Variants in KDM4C observed in about 807,000 individuals in gnomAD.
KDM4C encodes the protein lysine demethylase 4C, also known as lysine-specific demethylase 4C.
KDM4C carries 81 observed loss-of-function variants against 129.3 expected under a neutral mutation model. That is an observed-to-expected ratio of 0.63 (90% CI 0.52 to 0.75). KDM4C has a LOEUF of 0.75. KDM4C is among the 30% of genes least tolerant of loss of function. The pLI is 0.00. For synonymous variants in KDM4C, 573 were observed against 456.1 expected (o/e 1.26, Z -3.26); for missense variants, 1,457 against 1,304.0 (o/e 1.12, Z -1.81).
chr9:6,867,758 T>C (rs889877785), intron 5 of KDM4C, among the ~76,000 whole-genome samples: 1 of 152,202 alleles, frequency 6.6e-6, no homozygotes, highest in African/African-American at 2.4e-5. Context: ...ACCATGAACA[T>C]GTGAACTTGA....
chr9:7,020,355 G>A (rs999439168), intron 15 of KDM4C, among the ~76,000 whole-genome samples: 3 of 152,142 alleles, frequency 2.0e-5, no homozygotes, highest in African/African-American at 7.2e-5. Context: ...TTGAGTCCCT[G>A]CCTTACCCTA....
At position 6,820,880 on chromosome 9, in the gene KDM4C, C is replaced by A. The variant is rs1195153562; in HGVS notation, c.435+6135C>A. 9.6e-5 allele frequency among the ~76,000 whole-genome samples: 14 copies of A among 145,512 alleles called. No homozygotes were observed. The Admixed American group carries it at 9.7e-4, about 10-fold the overall frequency. On this transcript the variant is annotated intron_variant, in intron 4 of 21. Coordinates refer to ENST00000381309, the MANE Select transcript of KDM4C (RefSeq NM_015061.6). ...TGCTATCCCTCCCCCAGCCCCCCAA[C>A]CCCCGACAGGCCCCAGTGTGTGATG...
chr9:6,798,769 G>T (rs1169582333), intron 2 of KDM4C, among the ~76,000 whole-genome samples: 2 of 152,172 alleles, frequency 1.3e-5, no homozygotes, highest in African/African-American at 4.8e-5. Context: ...CCTCCCAGAC[G>T]GGGTGGTGGC....
chr9:7,019,173 C>T (rs1020590913), intron 15 of KDM4C, among the ~76,000 whole-genome samples: 1 of 152,142 alleles, frequency 6.6e-6, no homozygotes, highest in African/African-American at 2.4e-5. Context: ...GATTTAGTGT[C>T]GTGGTGAGTG....
At chr9:7,130,948 T>G in intron 19 of KDM4C, among the ~76,000 whole-genome samples, 1 of 151,430 alleles carries the variant, frequency 6.6e-6, no homozygotes, top group African/African-American at 2.4e-5. Context: ...TTTAATTTTT[T>G]TGTAGAGATG....
chr9:6,863,767 C>G (rs1009792672), intron 5 of KDM4C, among the ~76,000 whole-genome samples: 1 of 144,202 alleles, frequency 6.9e-6, no homozygotes, highest in African/African-American at 2.7e-5. Context: ...TGCCTCCAGC[C>G]TGGGCGACAC....
intron 1 of KDM4C, among the ~76,000 whole-genome samples, chr9:6,742,762 G>A (rs1271559486): frequency 1.3e-5 from 2 of 151,414 alleles, no homozygotes; most frequent in East Asian, 2.0e-4. Flanking sequence ...CTTGAACCCC[G>A]GGGCCTTTGA....
chr9:7,141,921 A>G (rs1841784140), intron 19 of KDM4C, among the ~76,000 whole-genome samples: 1 of 152,150 alleles, frequency 6.6e-6, no homozygotes, highest in African/African-American at 2.4e-5. Context: ...TTCATCTCTA[A>G]ATGGATGTGT....
intron 8 of KDM4C, chr9:6,942,710 T>G (rs1826182350): frequency 6.6e-6 from 1 of 152,200 alleles, no homozygotes; most frequent in African/African-American, 2.4e-5. Flanking sequence ...TGTACTTCCT[T>G]AAATTAAGGC....
At chr9:6,963,353 C>G (rs1033628815) in intron 8 of KDM4C, among the ~76,000 whole-genome samples, 2 of 152,196 alleles carry the variant, frequency 1.3e-5, no homozygotes, top group Non-Finnish European at 1.5e-5. Flanking sequence ...ATTGACCACT[C>G]TGGTTGGGAG....
At chr9:7,052,216 A>G (rs1419751564) in intron 17 of KDM4C, among the ~76,000 whole-genome samples, 1 of 152,246 alleles carries the variant, frequency 6.6e-6, no homozygotes, top group South Asian at 2.1e-4. Context: ...TAACATGTGC[A>G]TATCAGCTAC....
chr9:7,018,107 TTTGTCATTGTGTGA>T (rs1249711309), intron 15 of KDM4C, among the ~76,000 whole-genome samples: 3 of 152,204 alleles, frequency 2.0e-5, no homozygotes, highest in African/African-American at 7.2e-5. Flanking sequence ...GTTAGGCAAT[TTTGTCATTGTGTGA>T]ACATAATACA....
At chr9:6,896,276 C>T (rs969443370) in intron 8 of KDM4C, among the ~76,000 whole-genome samples, 2 of 152,112 alleles carry the variant, frequency 1.3e-5, no homozygotes, top group Non-Finnish European at 1.5e-5. Context: ...TTTATAATTA[C>T]TATGAAAATA....
In KDM4C at chr9:6,799,597, G is replaced by GGGGAGACGGGAGAC. The variant is rs1428812367; in HGVS notation, c.145-5988_145-5975dup. Among the ~76,000 whole-genome samples the GGGGAGACGGGAGAC allele has an allele frequency of 6.3e-5, 9 of 141,874 alleles. 1 individual carries two copies. The highest frequency in any genetic ancestry group is 8.1e-5 in the Non-Finnish European group (5 of 61,392). The allele number at this position is 141,874 out of a possible 152,430, so 93.1% of individuals were successfully genotyped here. ...AGGGATGAGAGGGAGACCGTGGAAA[G>GGGGAGACGGGAGAC]GGGAGACGGGAGACGGGAGACGGGA... On this transcript the variant is annotated intron_variant, in intron 2 of 21. Transcript: ENST00000381309.
chr9:7,091,289 T>A (rs1835767700), intron 17 of KDM4C, among the ~76,000 whole-genome samples: 1 of 150,184 alleles, frequency 6.7e-6, no homozygotes, highest in Non-Finnish European at 1.5e-5. Context: ...TGTGGAAGAT[T>A]TTGGCAAACT....
intron 18 of KDM4C, among the ~76,000 whole-genome samples, chr9:7,117,271 A>G (rs1839003930): frequency 6.6e-6 from 1 of 152,120 alleles, no homozygotes; most frequent in East Asian, 1.9e-4. Context: ...AAAATCTGTT[A>G]AACTATTTAA....
chr9:7,127,631 AG>A (rs1456067152), intron 18 of KDM4C, among the ~76,000 whole-genome samples: 2 of 152,116 alleles, frequency 1.3e-5, no homozygotes, highest in Non-Finnish European at 2.9e-5. Context: ...TGTGCTTGGG[AG>A]TTTGAGGGTA....
At chr9:6,814,351 G>A (rs1251648075) in intron 3 of KDM4C, among the ~76,000 whole-genome samples, 1 of 152,050 alleles carries the variant, frequency 6.6e-6, no homozygotes, top group Non-Finnish European at 1.5e-5. Flanking sequence ...ATACTTTAAA[G>A]CTGAAATAAT....
At chr9:7,087,759 A>G (rs1835304434) in intron 17 of KDM4C, among the ~76,000 whole-genome samples, 1 of 152,354 alleles carries the variant, frequency 6.6e-6, no homozygotes, top group African/African-American at 2.4e-5. Context: ...TGGAGTTATC[A>G]AATGACAATG....
Sources: allele counts gnomAD v4.1 joint callset (sites outside exome capture counted in the v4.1 genomes callset), GRCh38; gene constraint gnomAD v4.1.1; transcripts MANE v1.5; gene names NCBI Gene and HGNC (gene_info 2026-07-23, HGNC 2026-07-21).